SLC35F1: variants seen among roughly 807,000 people sequenced by gnomAD.
SLC35F1 encodes the protein chromosome 6 open reading frame 169.
SLC35F1 carries 14 observed loss-of-function variants against 48.7 expected under a neutral mutation model. The observed-to-expected ratio is 0.29, with a 90% CI of 0.19 to 0.45. SLC35F1 has a LOEUF of 0.45. Ranked by LOEUF, SLC35F1 falls within the 20% of genes least tolerant of loss-of-function variation. The pLI is 1.00. For missense variants in SLC35F1, 404 were observed against 500.0 expected (o/e 0.81, Z 1.83); for synonymous variants, 190 against 202.2 (o/e 0.94, Z 0.51).
At chr6:118,042,680 C>T (rs1192731163) in intron 1 of SLC35F1, among the ~76,000 whole-genome samples, 1 of 152,108 alleles carries the variant, frequency 6.6e-6, no homozygotes, top group Non-Finnish European at 1.5e-5. Flanking sequence ...GATGAGGGAT[C>T]ATGTTGGTCT....
At chr6:118,080,898 CT>C in intron 1 of SLC35F1, among the ~76,000 whole-genome samples, 1 of 152,288 alleles carries the variant, frequency 6.6e-6, no homozygotes, top group South Asian at 2.1e-4. Context: ...CAGCAGCCTA[CT>C]TTTTTCCACT....
At chr6:118,064,814 A>G (rs1304776521) in intron 1 of SLC35F1, among the ~76,000 whole-genome samples, 2 of 152,032 alleles carry the variant, frequency 1.3e-5, no homozygotes, top group Non-Finnish European at 2.9e-5. Flanking sequence ...TCTCTCTCTG[A>G]CTGCTAAGGG....
intron 7 of SLC35F1, among the ~76,000 whole-genome samples, chr6:118,288,119 T>G (rs529056915): frequency 7.9e-4 from 121 of 152,284 alleles, no homozygotes; most frequent in African/African-American, 2.8e-3. Flanking sequence ...TTTCTTCTAG[T>G]TAAAATTTAT....
chr6:118,174,145 A>G (rs564819076), intron 2 of SLC35F1, among the ~76,000 whole-genome samples: 1 of 152,302 alleles, frequency 6.6e-6, no homozygotes, highest in East Asian at 1.9e-4. Flanking sequence ...CTGTTTTTTT[A>G]TACAAAATGT....
At chr6:118,312,755 G>A (rs1056264638) in intron 7 of SLC35F1, among the ~76,000 whole-genome samples, 14 of 151,918 alleles carry the variant, frequency 9.2e-5, no homozygotes, top group Admixed American at 9.2e-4. Flanking sequence ...TCCTATTATT[G>A]AACTACAGTT....
At chr6:117,912,712 T>C (rs1280924985) in intron 1 of SLC35F1, among the ~76,000 whole-genome samples, 2 of 152,346 alleles carry the variant, frequency 1.3e-5, no homozygotes, top group South Asian at 2.1e-4. Flanking sequence ...GGTGCATTTG[T>C]TTTTAACTAA....
Position 117,941,058 on chromosome 6 carries a change from G to T in SLC35F1, c.173+33159G>T, listed in dbSNP as rs150174155. Reference sequence around the variant, plus strand: ...TGATGCTCACTGTTACCTGAAGGCTGCATGTCAAATTTGATCCCTGGTCAT... The same window carrying T: ...TGATGCTCACTGTTACCTGAAGGCTTCATGTCAAATTTGATCCCTGGTCAT... On this transcript the variant is annotated intron_variant, in intron 1 of 7. Transcript: ENST00000360388. Among the ~76,000 whole-genome samples, 42 of 152,230 alleles carry T rather than the reference G, an allele frequency of 2.8e-4. No homozygotes were observed. The East Asian group carries it at 7.0e-3, about 25-fold the overall frequency.
At chr6:117,960,223 G>T (rs1370502884) in intron 1 of SLC35F1, among the ~76,000 whole-genome samples, 1 of 151,480 alleles carries the variant, frequency 6.6e-6, no homozygotes, top group Non-Finnish European at 1.5e-5. Context: ...TGTATTCCTA[G>T]ATGTGTGTAT....
chr6:118,071,981 T>C (rs1378406147), intron 1 of SLC35F1, among the ~76,000 whole-genome samples: 1 of 152,228 alleles, frequency 6.6e-6, no homozygotes, highest in East Asian at 1.9e-4. Flanking sequence ...AGCTCCGGAA[T>C]ATTTTTCTAT....
chr6:118,025,555 C>G (rs1181101765), intron 1 of SLC35F1, among the ~76,000 whole-genome samples: 1 of 152,122 alleles, frequency 6.6e-6, no homozygotes, highest in Non-Finnish European at 1.5e-5. Context: ...GAGTGATGTT[C>G]CATCTCCTTG....
intron 1 of SLC35F1, among the ~76,000 whole-genome samples, chr6:118,071,048 A>AGAATATATATACTATGT (rs1422459863): frequency 6.4e-4 from 4 of 6,204 alleles, no homozygotes; most frequent in South Asian, 7.2e-3. Context: ...ATATACACAT[A>AGAATATATATACTATGT]GTATATATAT....
chr6:118,163,056 G>A (rs2114483106), intron 2 of SLC35F1, among the ~76,000 whole-genome samples: 1 of 151,254 alleles, frequency 6.6e-6, no homozygotes, highest in Admixed American at 6.6e-5. Flanking sequence ...CTCCCTCCCA[G>A]GCTCAAGCAG....
chr6:118,116,948 AC>A (rs1326157083), intron 1 of SLC35F1, among the ~76,000 whole-genome samples: 2 of 152,176 alleles, frequency 1.3e-5, no homozygotes, highest in East Asian at 3.8e-4. Context: ...TGTGTATCCA[AC>A]CCTTGGCTTT....
chr6:118,083,187 A>G (rs779670974), intron 1 of SLC35F1, among the ~76,000 whole-genome samples: 9 of 152,188 alleles, frequency 5.9e-5, no homozygotes, highest in Non-Finnish European at 1.0e-4. Flanking sequence ...TGTGTTTCTA[A>G]TGGCCCATTG....
intron 1 of SLC35F1, among the ~76,000 whole-genome samples, chr6:118,148,503 T>C (rs546891507): frequency 6.6e-6 from 1 of 152,354 alleles, no homozygotes; most frequent in South Asian, 2.1e-4. Flanking sequence ...TCTTTATGAA[T>C]ACAAGCTCTA....
chr6:118,245,577 A>G (rs1335503395), intron 3 of SLC35F1, among the ~76,000 whole-genome samples: 2 of 152,072 alleles, frequency 1.3e-5, no homozygotes, highest in Non-Finnish European at 2.9e-5. Flanking sequence ...CCTGCGCTTG[A>G]TTCTCACTGA....
chr6:118,071,178 CTA>C (rs1246779560), intron 1 of SLC35F1, among the ~76,000 whole-genome samples: 3 of 139,752 alleles, frequency 2.1e-5, no homozygotes, highest in African/African-American at 7.9e-5. Context: ...AATATATATA[CTA>C]TGTGTGTATA....
chr6:118,044,752 C>G (rs1344159965), intron 1 of SLC35F1, among the ~76,000 whole-genome samples: 1 of 152,170 alleles, frequency 6.6e-6, no homozygotes, highest in Non-Finnish European at 1.5e-5. Flanking sequence ...TCTTTCTCCT[C>G]CTGTCCACAT....
At chr6:118,059,128 C>A (rs1025351825) in intron 1 of SLC35F1, among the ~76,000 whole-genome samples, 1 of 152,186 alleles carries the variant, frequency 6.6e-6, no homozygotes, top group Non-Finnish European at 1.5e-5. Flanking sequence ...GTATTCACTG[C>A]AACAGAACAG....
Sources: allele counts gnomAD v4.1 joint callset (sites outside exome capture counted in the v4.1 genomes callset), GRCh38; gene constraint gnomAD v4.1.1; transcripts MANE v1.5; gene names NCBI Gene and HGNC (gene_info 2026-07-23, HGNC 2026-07-21).